Variants in DCAF7 observed in about 807,000 individuals in gnomAD.
DCAF7 encodes DDB1- and CUL4-associated factor 7.
A neutral mutation model predicts 41.2 loss-of-function variants in DCAF7; 4 were observed. The observed-to-expected ratio is 0.10, with a 90% CI of 0.05 to 0.22. The LOEUF (loss-of-function observed/expected upper bound fraction) is 0.22, where lower values mean the gene tolerates loss of function less well. DCAF7 is among the 10% of genes least tolerant of loss of function. The pLI, the probability that DCAF7 is intolerant of heterozygous loss-of-function variation, is 1.00. For missense variants in DCAF7, 131 were observed against 443.2 expected, an observed-to-expected ratio of 0.30 and a Z score of 6.32; for synonymous variants, 143 against 164.2, an observed-to-expected ratio of 0.87 and a Z score of 0.99.
intron 1 of DCAF7, among the ~76,000 whole-genome samples, chr17:63,569,202 C>A (rs778732695): frequency 1.3e-5 from 2 of 152,084 alleles, no homozygotes; most frequent in Admixed American, 1.3e-4. Flanking sequence ...GGTTAAGAAG[C>A]ACTGATCTAG....
At chr17:63,585,372 A>G (rs1370111852) in intron 6 of DCAF7, 44 bp downstream of exon 6, 2 of 1,530,528 alleles carry the variant, frequency 1.3e-6, no homozygotes, top group Non-Finnish European at 1.8e-6. Context: ...GATGGAGGAA[A>G]TCTGTTCTCT....
intron 6 of DCAF7, among the ~76,000 whole-genome samples, chr17:63,585,663 A>G (rs978571726): frequency 3.9e-5 from 6 of 152,208 alleles, no homozygotes; most frequent in African/African-American, 1.4e-4. Flanking sequence ...TGGATATAAC[A>G]GAATCTTTGG....
intron 1 of DCAF7, among the ~76,000 whole-genome samples, chr17:63,571,858 A>C (rs1320517787): frequency 6.6e-6 from 1 of 151,998 alleles, no homozygotes; most frequent in Non-Finnish European, 1.5e-5. Context: ...CTTGACACTT[A>C]CTGAATCAGA....
chr17:63,577,136 G>T (rs909519642), intron 1 of DCAF7, among the ~76,000 whole-genome samples: 1 of 152,180 alleles, frequency 6.6e-6, no homozygotes, highest in Admixed American at 6.5e-5. Context: ...GGTATGAGGG[G>T]TTGACTGCGG....
intron 1 of DCAF7, among the ~76,000 whole-genome samples, chr17:63,554,386 A>C (rs945663580): frequency 3.3e-5 from 5 of 152,274 alleles, no homozygotes; most frequent in African/African-American, 1.2e-4. Flanking sequence ...GATAGGTGAC[A>C]GACACACTAG....
At chr17:63,552,469 T>TCTTTCCTCTGTTGCTTCTTTCTTC (rs2033267965) in intron 1 of DCAF7, 1 of 152,240 alleles carries the variant, frequency 6.6e-6, no homozygotes, top group South Asian at 2.1e-4. Flanking sequence ...GATAGAGCTT[T>TCTTTCCTCTGTTGCTTCTTTCTTC]CTTTCCTCTG....
At chr17:63,581,577 A>G (rs575995642) in intron 4 of DCAF7, among the ~76,000 whole-genome samples, 1 of 152,298 alleles carries the variant, frequency 6.6e-6, no homozygotes, top group African/African-American at 2.4e-5. Flanking sequence ...TTTTCCCACC[A>G]AAGCCTCCCA....
chr17:63,551,500 G>A (rs1664491856), intron 1 of DCAF7, among the ~76,000 whole-genome samples: 1 of 152,068 alleles, frequency 6.6e-6, no homozygotes, highest in South Asian at 2.1e-4. Context: ...ACAGTTGTGT[G>A]ACCTTTAGTA....
chr17:63,555,116 G>A (rs1046421374), intron 1 of DCAF7, among the ~76,000 whole-genome samples: 4 of 152,290 alleles, frequency 2.6e-5, no homozygotes, highest in Non-Finnish European at 5.9e-5. Flanking sequence ...TTGGTCTTTA[G>A]GCCCAGGTGT....
In DCAF7 at chr17:63,589,232, C is replaced by T; in HGVS notation, c.*60C>T. On this transcript the variant is annotated 3_prime_UTR_variant, in exon 7 of 7. Transcript: ENST00000614556. ...TTGTATTTCCTGCCTCTGCCCCACC[C>T]CCAAAGTAAGAAGAAACATGTTTCC... 6.3e-7 allele frequency: 1 copy of T among 1,597,670 alleles called. No homozygotes were observed. Among genetic ancestry groups the T allele is most frequent in the Non-Finnish European group, 8.5e-7 (1 of 1,171,256 alleles).
In DCAF7 at chr17:63,589,291, A is replaced by G. The variant is rs1368252200; in HGVS notation, c.*119A>G. On this transcript the variant is annotated 3_prime_UTR_variant, in exon 7 of 7. Transcript: ENST00000614556. Reference sequence around the variant, plus strand: ...GTATGTCTTTCATTGCTTTGCACCCACTGTTACCAGAAGCTGCTCTAGGAG... The same window carrying G: ...GTATGTCTTTCATTGCTTTGCACCCGCTGTTACCAGAAGCTGCTCTAGGAG... 7.4e-7 allele frequency: 1 copy of G among 1,358,756 alleles called. No individual in the cohort carries two copies. 84.2% of individuals were successfully genotyped at this position (1,358,756 alleles called of 1,614,324 possible). A position where few individuals can be genotyped will look rare whatever the true frequency, so the allele number is the denominator to read the frequency against.
rs1269057176 is a variant in DCAF7 at position 63,550,834 on chromosome 17, C to CGGAACCCAG, written c.138+20_138+28dup. 2 of 1,609,844 alleles carry CGGAACCCAG rather than the reference C, an allele frequency of 1.2e-6. No homozygotes were observed. The highest frequency in any genetic ancestry group is 1.7e-6 in the Non-Finnish European group (2 of 1,177,788). ...CAACAAGGTGGGCCGGGCAGGGGCT[C>CGGAACCCAG]GGAACCCAGCTGGCGGGGAGCGGGC... On this transcript the variant is annotated intron_variant, in intron 1 of 6. Coordinates refer to ENST00000614556, the MANE Select transcript of DCAF7 (RefSeq NM_005828.5). The surrounding 1 kb of genome is among the most constrained non-coding windows in gnomAD (Gnocchi z 4.8).
chr17:63,575,686 T>C lies in DCAF7; in HGVS notation c.139-2784T>C, dbSNP rs2033554633. ...TTGGGTGCTAGAGCGAGACTCTGTC[T>C]GAAAAAAAAGAACTTAAAAAAGGCG... On this transcript the variant is annotated intron_variant, in intron 1 of 6. Coordinates refer to ENST00000614556, the MANE Select transcript of DCAF7 (RefSeq NM_005828.5). 2.6e-5 allele frequency among the ~76,000 whole-genome samples: 4 copies of C among 152,106 alleles called. 1 individual carries two copies. In the South Asian group the frequency reaches 8.3e-4, roughly 32 times the overall value.
At position 63,565,491 on chromosome 17, in the gene DCAF7, G is replaced by A. The variant is rs1391269749; in HGVS notation, c.139-12979G>A. ...TGAGGCAGGAGAATCACTTGAACCC[G>A]GGAGGTAGAAGTTGTGGTGAGCCAA... On this transcript the variant is annotated intron_variant, in intron 1 of 6. Transcript: ENST00000614556. 2.6e-5 allele frequency among the ~76,000 whole-genome samples: 4 copies of A among 151,994 alleles called. 1 individual carries two copies. Among genetic ancestry groups the A allele is most frequent in the Non-Finnish European group, 5.9e-5 (4 of 67,950 alleles).
chr17:63,550,651 G>C lies in DCAF7; in HGVS notation c.-27G>C. On this transcript the variant is annotated 5_prime_UTR_variant, in exon 1 of 7. Transcript: ENST00000614556. The surrounding 1 kb of genome is among the most constrained non-coding windows in gnomAD (Gnocchi z 4.8). The stretch of plus-strand genomic sequence containing the variant: ...GCCCGCCGCAGCCCACTGTTGACCC[G>C]GCCCGTACTGCGGCCCCGTGGCCAC... The C allele has an allele frequency of 6.2e-7, 1 of 1,611,284 alleles. No homozygotes were observed. Among genetic ancestry groups the C allele is most frequent in the South Asian group, 1.1e-5 (1 of 91,054 alleles).
At chr17:63,569,235 G>A (rs1160105638) in intron 1 of DCAF7, among the ~76,000 whole-genome samples, 2 of 152,142 alleles carry the variant, frequency 1.3e-5, no homozygotes, top group Non-Finnish European at 2.9e-5. Context: ...TCATCTTATA[G>A]GCGTGGAATG....
At chr17:63,586,360 T>G (rs550689974) in intron 6 of DCAF7, among the ~76,000 whole-genome samples, 2 of 151,258 alleles carry the variant, frequency 1.3e-5, no homozygotes, top group Non-Finnish European at 3.0e-5. Context: ...GAGGCTGAGG[T>G]GAGAGGATCC....
chr17:63,559,387 G>GTA (rs59755195), intron 1 of DCAF7, among the ~76,000 whole-genome samples: 20 of 37,458 alleles, frequency 5.3e-4, no homozygotes, highest in South Asian at 1.1e-3. Flanking sequence ...GTATATATAT[G>GTA]TATATATATA....
chr17:63,565,436 G>A (rs979222325), intron 1 of DCAF7, among the ~76,000 whole-genome samples: 2 of 151,902 alleles, frequency 1.3e-5, no homozygotes, highest in Admixed American at 6.6e-5. Context: ...TTAGCTGGGC[G>A]TGGTGGTGCA....
Sources: allele counts gnomAD v4.1 joint callset (sites outside exome capture counted in the v4.1 genomes callset), GRCh38; gene constraint gnomAD v4.1.1; non-coding constraint Gnocchi (gnomAD v3.1); transcripts MANE v1.5; gene names NCBI Gene and HGNC (gene_info 2026-07-23, HGNC 2026-07-21).